Variants in RASGEF1A observed in about 807,000 individuals in gnomAD.
The protein encoded by RASGEF1A is RasGEF domain family member 1A, also known as ras-GEF domain-containing family member 1A.
RASGEF1A carries 18 observed loss-of-function variants against 56.4 expected under a neutral mutation model. The observed-to-expected ratio is 0.32, with a 90% CI of 0.22 to 0.47. The LOEUF is 0.47. Ranked by LOEUF, RASGEF1A falls within the 20% of genes least tolerant of loss-of-function variation. The pLI is 1.00. For missense variants in RASGEF1A, 422 were observed against 627.1 expected, an observed-to-expected ratio of 0.67 and a Z score of 3.49; for synonymous variants, 245 against 242.6, an observed-to-expected ratio of 1.01 and a Z score of -0.09.
At chr10:43,250,649 G>T (rs1840618173) in intron 1 of RASGEF1A, among the ~76,000 whole-genome samples, 1 of 152,092 alleles carries the variant, frequency 6.6e-6, no homozygotes, top group Non-Finnish European at 1.5e-5. Context: ...GGAAGGGGGG[G>T]GTCAGGCACC....
At chr10:43,204,966 C>A (rs1047485139) in intron 2 of RASGEF1A, among the ~76,000 whole-genome samples, 2 of 152,238 alleles carry the variant, frequency 1.3e-5, no homozygotes, top group African/African-American at 4.8e-5. Context: ...CCTGACAGGG[C>A]TTACGGGACA....
At chr10:43,206,214 T>C in intron 1 of RASGEF1A, 92 bp from the exon 2 acceptor site, 1 of 1,058,374 alleles carries the variant, frequency 9.4e-7, no homozygotes, top group Non-Finnish European at 1.4e-6. Flanking sequence ...TGCATGCATG[T>C]GTGCAGGGGT....
chr10:43,208,662 A>C (rs932044308), intron 1 of RASGEF1A: 3 of 985,328 alleles, frequency 3.0e-6, no homozygotes, highest in African/African-American at 3.5e-5. Context: ...CTACCTGGAG[A>C]CCCACCTGGG....
chr10:43,217,678 A>G (rs979263054), intron 1 of RASGEF1A, among the ~76,000 whole-genome samples: 2 of 152,186 alleles, frequency 1.3e-5, no homozygotes, highest in African/African-American at 4.8e-5. Flanking sequence ...TGCTAGAGGG[A>G]CTAGAGCCAG....
intron 1 of RASGEF1A, among the ~76,000 whole-genome samples, chr10:43,214,161 G>A (rs919575946): frequency 1.7e-4 from 26 of 152,326 alleles, no homozygotes; most frequent in African/African-American, 6.3e-4. Context: ...GCTCCTGAGA[G>A]CTGCAGCTAC....
At chr10:43,197,183 C>G in intron 10 of RASGEF1A, 84 bp from the exon 11 acceptor site, 1 of 1,494,246 alleles carries the variant, frequency 6.7e-7, no homozygotes, top group Non-Finnish European at 9.1e-7. Context: ...AGGTTTTGGC[C>G]TCAGCCTCCT....
intron 1 of RASGEF1A, among the ~76,000 whole-genome samples, chr10:43,233,624 G>A (rs1174760169): frequency 1.3e-5 from 2 of 152,170 alleles, no homozygotes; most frequent in East Asian, 3.9e-4. Context: ...AAAATGCCAC[G>A]TGCTGACGAG....
At chr10:43,257,390 C>T (rs150776979) in intron 1 of RASGEF1A, among the ~76,000 whole-genome samples, 3 of 152,242 alleles carry the variant, frequency 2.0e-5, no homozygotes, top group South Asian at 4.1e-4. Context: ...CCTTGCCCAG[C>T]GAGTCCCACC....
At chr10:43,263,800 G>C (rs543524431) in intron 1 of RASGEF1A, among the ~76,000 whole-genome samples, 5 of 152,304 alleles carry the variant, frequency 3.3e-5, no homozygotes, top group African/African-American at 1.2e-4. Context: ...TGTGCTTCCT[G>C]GGAGGTGCTG....
chr10:43,232,629 G>A (rs909407654), intron 1 of RASGEF1A, among the ~76,000 whole-genome samples: 1 of 151,864 alleles, frequency 6.6e-6, no homozygotes, highest in African/African-American at 2.4e-5. Context: ...TGGGATTACA[G>A]GTGCACGCCA....
intron 1 of RASGEF1A, among the ~76,000 whole-genome samples, chr10:43,252,811 C>T (rs533316224): frequency 2.2e-4 from 34 of 152,132 alleles, no homozygotes; most frequent in Non-Finnish European, 3.4e-4. Context: ...GTGACTGGCT[C>T]GCGGCGGGAG....
At chr10:43,255,187 A>G (rs1840674680) in intron 1 of RASGEF1A, among the ~76,000 whole-genome samples, 2 of 152,148 alleles carry the variant, frequency 1.3e-5, no homozygotes, top group Admixed American at 1.3e-4. Context: ...AGCAGGATCC[A>G]GGAAATCTCC....
intron 1 of RASGEF1A, among the ~76,000 whole-genome samples, chr10:43,231,035 C>T (rs1265802598): frequency 6.6e-6 from 1 of 152,242 alleles, no homozygotes; most frequent in African/African-American, 2.4e-5. Context: ...TCAGAGCATG[C>T]ACTATACATT....
Position 43,232,635 on chromosome 10 carries a change from C to T in RASGEF1A, c.-6-26513G>A, listed in dbSNP as rs370544143. On this transcript the variant is annotated intron_variant, in intron 1 of 12. Coordinates refer to ENST00000395810, the MANE Select transcript of RASGEF1A (RefSeq NM_145313.4). Reference sequence around the variant, plus strand: ...TCAAGTAGCTGGGATTACAGGTGCACGCCACCATGCCCAGCTAATTTTTGT... The same window carrying T: ...TCAAGTAGCTGGGATTACAGGTGCATGCCACCATGCCCAGCTAATTTTTGT... Among the ~76,000 whole-genome samples, 107 of 152,076 alleles carry T rather than the reference C, an allele frequency of 7.0e-4. 1 individual carries two copies. The highest frequency in any genetic ancestry group is 3.4e-3 in the Middle Eastern group (1 of 294).
chr10:43,254,590 C>T (rs1033019340), intron 1 of RASGEF1A, among the ~76,000 whole-genome samples: 3 of 152,216 alleles, frequency 2.0e-5, no homozygotes, highest in Admixed American at 6.5e-5. Flanking sequence ...CAGGTCACAG[C>T]GCAGTGACAC....
At chr10:43,227,656 A>G (rs1840298525) in intron 1 of RASGEF1A, among the ~76,000 whole-genome samples, 2 of 152,204 alleles carry the variant, frequency 1.3e-5, no homozygotes, top group East Asian at 3.9e-4. Context: ...TGCAGGGTGG[A>G]GCAAGCCAGG....
chr10:43,203,218 C>T, intron 3 of RASGEF1A, 80 bp downstream of exon 3: 2 of 1,429,396 alleles, frequency 1.4e-6, no homozygotes, highest in Non-Finnish European at 1.9e-6. Context: ...GTGAACCCCG[C>T]CCCATGCCTC....
chr10:43,218,115 C>G (rs1840161044), intron 1 of RASGEF1A, among the ~76,000 whole-genome samples: 1 of 152,234 alleles, frequency 6.6e-6, no homozygotes, highest in African/African-American at 2.4e-5. Context: ...AGTGAAGCCA[C>G]AAAGCTCAGG....
chr10:43,263,655 G>A (rs918815046), intron 1 of RASGEF1A, among the ~76,000 whole-genome samples: 8 of 152,134 alleles, frequency 5.3e-5, no homozygotes, highest in Admixed American at 5.2e-4. Flanking sequence ...GCTGCCCTGG[G>A]CAGCACAGGC....
Sources: allele counts gnomAD v4.1 joint callset (sites outside exome capture counted in the v4.1 genomes callset), GRCh38; gene constraint gnomAD v4.1.1; transcripts MANE v1.5; gene names NCBI Gene and HGNC (gene_info 2026-07-23, HGNC 2026-07-21).